Variants in CNGB1 observed in about 807,000 individuals in gnomAD.
The protein encoded by CNGB1 is cyclic nucleotide-gated channel beta-1.
A neutral mutation model predicts 151.7 loss-of-function variants in CNGB1; 126 were observed. That is an observed-to-expected ratio of 0.83 (90% CI 0.72 to 0.96). The LOEUF (loss-of-function observed/expected upper bound fraction) is 0.96. Ranked by LOEUF, CNGB1 falls within the 40% of genes least tolerant of loss-of-function variation. The pLI is 0.00. For missense variants in CNGB1, 1,698 were observed against 1,627.0 expected, an observed-to-expected ratio of 1.04 and a Z score of -0.75; for synonymous variants, 623 against 635.1, an observed-to-expected ratio of 0.98 and a Z score of 0.29.
chr16:57,959,488 G>A (rs1455804322), intron 10 of CNGB1, among the ~76,000 whole-genome samples: 3 of 152,144 alleles, frequency 2.0e-5, no homozygotes, highest in Non-Finnish European at 4.4e-5. Context: ...TGTAATCCCA[G>A]CTACTCAGGA....
In CNGB1 at chr16:57,911,961, C is replaced by T. The variant is rs1467025334; in HGVS notation, c.2370-86G>A. 2.5e-6 allele frequency: 4 copies of T among 1,570,016 alleles called. No individual in the cohort carries two copies. The Admixed American group carries it at 6.8e-5, about 27-fold the overall frequency. On this transcript the variant is annotated intron_variant, in intron 24 of 32. Coordinates refer to ENST00000251102, the MANE Select transcript of CNGB1 (RefSeq NM_001297.5). Reference sequence around the variant, plus strand: ...CTGGACAGTGAGAGCCAACCCATGGCTGGGCTGGCCCGACTGGATGCTTTG... The same window carrying T: ...CTGGACAGTGAGAGCCAACCCATGGTTGGGCTGGCCCGACTGGATGCTTTG...
At chr16:57,920,290 C>A in intron 19 of CNGB1, 97 bp downstream of exon 19, 3 of 1,417,534 alleles carry the variant, frequency 2.1e-6, no homozygotes, top group Middle Eastern at 1.8e-4. Context: ...GGACCTCAAC[C>A]ATTTCCTTGG....
intron 14 of CNGB1, among the ~76,000 whole-genome samples, chr16:57,941,493 C>T (rs553921731): frequency 7.2e-5 from 11 of 152,350 alleles, no homozygotes; most frequent in South Asian, 4.1e-4. Context: ...ATTGCCACAG[C>T]GGCTCCTGGG....
intron 31 of CNGB1, among the ~76,000 whole-genome samples, chr16:57,889,967 A>G (rs1960041104): frequency 6.6e-6 from 1 of 152,186 alleles, no homozygotes; most frequent in African/African-American, 2.4e-5. Flanking sequence ...GTTACCAGGA[A>G]GTGGCAGAAG....
chr16:57,917,600 G>GTGTGTGTA, intron 20 of CNGB1, 124 bp from the exon 21 acceptor site: 1 of 700,552 alleles, frequency 1.4e-6, no homozygotes, highest in East Asian at 2.6e-5. Flanking sequence ...TTGTAAGAGT[G>GTGTGTGTA]TGTGTATGTG....
At chr16:57,890,872 C>T (rs1049908820) in intron 31 of CNGB1, among the ~76,000 whole-genome samples, 2 of 152,226 alleles carry the variant, frequency 1.3e-5, no homozygotes, top group African/African-American at 2.4e-5. Context: ...AGCAAACAAC[C>T]ACTCTGATGA....
intron 14 of CNGB1, among the ~76,000 whole-genome samples, chr16:57,942,379 A>G (rs1406178161): frequency 6.6e-6 from 1 of 152,238 alleles, no homozygotes; most frequent in Non-Finnish European, 1.5e-5. Flanking sequence ...CCAATTCAGT[A>G]AAGTTGCAGG....
chr16:57,939,476 C>T lies in CNGB1; in HGVS notation c.1326G>A (p.Glu442=). ...CCTCAGCCTCAGGCTCCTCCTTGGT[C>T]TCCGCCCAGTCCTGGGGCTCCTTTT... The part of the protein sequence containing the change: ...EAEKEPQDWA[E]TKEEPEAEAE... The change falls in exon 16 of 33, where the codon GAG becomes GAA. Residue 442 remains glutamate (E), a synonymous_variant. Transcript: ENST00000251102. 6.2e-7 allele frequency: 1 copy of T among 1,614,172 alleles called. No individual in the cohort carries two copies. Among genetic ancestry groups the T allele is most frequent in the Non-Finnish European group, 8.5e-7 (1 of 1,180,016 alleles).
At chr16:57,915,812 G>T (rs1474777643) in intron 22 of CNGB1, among the ~76,000 whole-genome samples, 2 of 150,868 alleles carry the variant, frequency 1.3e-5, no homozygotes, top group African/African-American at 4.9e-5. Flanking sequence ...GGCAGGAGGA[G>T]TGCTTGAACG....
At chr16:57,960,692 C>T (rs1470303373) in intron 8 of CNGB1, 148 bp downstream of exon 8, 1 of 1,230,628 alleles carries the variant, frequency 8.1e-7, no homozygotes, top group Admixed American at 2.0e-5. Flanking sequence ...AGTCACTCCT[C>T]CCCATAGAGG....
At chr16:57,948,855 T>A (rs1479013492) in intron 14 of CNGB1, among the ~76,000 whole-genome samples, 1 of 152,128 alleles carries the variant, frequency 6.6e-6, no homozygotes, top group Non-Finnish European at 1.5e-5. Context: ...AATATATGGA[T>A]GTGGGTGGAC....
intron 13 of CNGB1, among the ~76,000 whole-genome samples, chr16:57,949,959 GAACCA>G (rs1961908046): frequency 6.6e-6 from 1 of 152,102 alleles, no homozygotes; most frequent in Non-Finnish European, 1.5e-5. Flanking sequence ...CAAAATTTTG[GAACCA>G]ACCTAAATGT....
rs1234739877 is a variant in CNGB1 at position 57,949,381 on chromosome 16, C to T, written c.1093G>A (p.Glu365Lys). 1.9e-6 allele frequency: 3 copies of T among 1,612,956 alleles called. No individual in the cohort carries two copies. The highest frequency in any genetic ancestry group is 2.5e-6 in the Non-Finnish European group (3 of 1,179,962). Residue 365 changes from glutamate (E) to lysine (K), a missense_variant, in exon 14 of 33, where the codon GAG (glutamate) becomes AAG (lysine). Transcript: ENST00000251102. ...EDEEEEEEEE[E>K]EEEEEEVTEV... The stretch of plus-strand genomic sequence containing the variant: ...GTCACCTCCTCCTCTTCCTCCTCCT[C>T]CTCCTCTTCCTCTTCCTCCTCCTCA...
In CNGB1 at chr16:57,963,004, A is replaced by G. The variant is rs1962299732; in HGVS notation, c.351T>C (p.Pro117=). The change falls in exon 5 of 33, where the codon CCT becomes CCC. Residue 117 remains proline (P), a synonymous_variant. Transcript: ENST00000251102. ...CCGGGTCCTCCGTGATGCTGTGAAC[A>G]GGCTGCGGGATCACCTTCTCTACGC... is the stretch of plus-strand genomic sequence containing the variant. ...MKGVEKVIPQ[P]VHSITEDPAQ... is the part of the protein sequence containing the mutation. 6.2e-7 allele frequency: 1 copy of G among 1,613,458 alleles called. No individual in the cohort carries two copies. Among genetic ancestry groups the G allele is most frequent in the Non-Finnish European group, 8.5e-7 (1 of 1,179,982 alleles).
At chr16:57,884,608 C>T (rs1959861035) in intron 32 of CNGB1, 151 bp from the exon 33 acceptor site, 1 of 786,280 alleles carries the variant, frequency 1.3e-6, no homozygotes, top group African/African-American at 1.7e-5. Context: ...GGTGGAGCCG[C>T]ATCGGGGTTA....
At chr16:57,931,596 C>T in intron 17 of CNGB1, 120 bp downstream of exon 17, 1 of 1,174,374 alleles carries the variant, frequency 8.5e-7, no homozygotes, top group East Asian at 2.5e-5. Context: ...CCACTTCTGA[C>T]ACCAACTCGC....
intron 16 of CNGB1, among the ~76,000 whole-genome samples, chr16:57,938,006 T>C (rs1961558187): frequency 6.6e-6 from 1 of 152,294 alleles, no homozygotes; most frequent in Admixed American, 6.5e-5. Flanking sequence ...CACCAGGAGA[T>C]CTTGTTACCA....
In CNGB1 at chr16:57,887,982, G is replaced by A. The variant is rs1959979813; in HGVS notation, c.3335C>T (p.Ala1112Val). 3 of 1,614,090 alleles carry A rather than the reference G, an allele frequency of 1.9e-6. No individual in the cohort carries two copies. The highest frequency in any genetic ancestry group is 1.3e-5 in the African/African-American group (1 of 74,936). Residue 1112 changes from alanine (A) to valine (V), a missense_variant, in exon 32 of 33, where the codon GCC becomes GTC. Transcript: ENST00000251102. ...ACCCATCTTTCCTGTCATAGCGAGG[G>A]CAGCGTTGAAGAGCTTTGGGGTGCC... ...RAGTPKLFNA[A>V]LAMTGKMGGK...
chr16:57,964,634 G>T, intron 2 of CNGB1, 90 bp from the exon 3 acceptor site: 1 of 1,279,682 alleles, frequency 7.8e-7, no homozygotes, highest in Non-Finnish European at 1.1e-6. Flanking sequence ...AGGGATCCCT[G>T]CCCCACAAAA....
Sources: gnomAD v4.1 joint callset for allele counts (sites outside exome capture counted in the v4.1 genomes callset) on GRCh38, gnomAD v4.1.1 for gene constraint, MANE v1.5 for transcripts, NCBI Gene and HGNC (gene_info 2026-07-23, HGNC 2026-07-21) for gene names.